The following CMSS1 variants were observed in gnomAD, a reference collection of about 807,000 sequenced individuals.
The protein encoded by CMSS1 is protein CMSS1.
A neutral mutation model predicts 43.5 loss-of-function variants in CMSS1; 33 were observed. The ratio of observed to expected loss-of-function variants is 0.76; its 90% CI spans 0.57 to 1.01. The LOEUF (loss-of-function observed/expected upper bound fraction) is 1.01, where lower values mean the gene tolerates loss of function less well. Among genes scored for constraint, CMSS1 ranks in the 50% least tolerant of loss-of-function variants. The pLI, the probability that CMSS1 is intolerant of heterozygous loss-of-function variation, is 0.00. For missense variants in CMSS1, 313 were observed against 326.4 expected (o/e 0.96, Z 0.32); for synonymous variants, 115 against 117.2 (o/e 0.98, Z 0.12).
chr3:100,089,702 A>T (rs993978113), intron 1 of CMSS1, among the ~76,000 whole-genome samples: 1 of 152,256 alleles, frequency 6.6e-6, no homozygotes, highest in African/African-American at 2.4e-5. Context: ...TACAAATTTC[A>T]TAGGCATTTG....
At position 99,951,062 on chromosome 3, in the gene CMSS1, C is replaced by T. The variant is rs536440904; in HGVS notation, c.64+133019C>T. ...CCTTTGTCACTCTTTCTGCACCTAA[C>T]GTGCTGGCCTTGAGTTAAGTCACTT... On this transcript the variant is annotated intron_variant, in intron 1 of 9. Coordinates refer to ENST00000421999, the MANE Select transcript of CMSS1 (RefSeq NM_032359.4). Among the ~76,000 whole-genome samples the T allele has an allele frequency of 1.1e-4, 16 of 152,338 alleles. No homozygotes were observed. The South Asian group carries it at 2.7e-3, about 26-fold the overall frequency.
At chr3:100,117,125 CTG>C (rs951840624) in intron 1 of CMSS1, among the ~76,000 whole-genome samples, 3 of 152,092 alleles carry the variant, frequency 2.0e-5, no homozygotes, top group African/African-American at 2.4e-5. Flanking sequence ...GTCAGGCACA[CTG>C]TGAAAGATAG....
chr3:100,065,606 A>T (rs1014493933), intron 1 of CMSS1, among the ~76,000 whole-genome samples: 1 of 152,174 alleles, frequency 6.6e-6, no homozygotes, highest in African/African-American at 2.4e-5. Flanking sequence ...TAATGAAAAA[A>T]GTATTCACTT....
chr3:99,832,149 T>G (rs1942691477), intron 1 of CMSS1, among the ~76,000 whole-genome samples: 1 of 152,142 alleles, frequency 6.6e-6, no homozygotes, highest in Non-Finnish European at 1.5e-5. Context: ...GGTAACTCCA[T>G]TTTCATTACG....
chr3:99,983,438 A>ATG (rs1709207001), intron 1 of CMSS1, among the ~76,000 whole-genome samples: 2 of 50,646 alleles, frequency 3.9e-5, no homozygotes, highest in African/African-American at 1.5e-4. Context: ...GTATGTATAT[A>ATG]TATGTATGTA....
At chr3:100,146,467 TG>T (rs975511210) in intron 1 of CMSS1, among the ~76,000 whole-genome samples, 1 of 152,212 alleles carries the variant, frequency 6.6e-6, no homozygotes, top group African/African-American at 2.4e-5. Flanking sequence ...TGTGTGACCT[TG>T]GGCAAATGGC....
intron 1 of CMSS1, among the ~76,000 whole-genome samples, chr3:99,909,455 C>T (rs894663658): frequency 2.6e-5 from 4 of 152,194 alleles, no homozygotes; most frequent in Admixed American, 2.6e-4. Flanking sequence ...GAGTTAGAGC[C>T]ACCCCTTGTA....
chr3:100,086,490 A>G (rs1333505803), intron 1 of CMSS1, among the ~76,000 whole-genome samples: 1 of 152,176 alleles, frequency 6.6e-6, no homozygotes, highest in Non-Finnish European at 1.5e-5. Context: ...CCTAGTTGAT[A>G]CTCAAATACT....
At chr3:99,849,465 AC>A (rs1943547647) in intron 1 of CMSS1, 1 of 1,613,618 alleles carries the variant, frequency 6.2e-7, no homozygotes, top group African/African-American at 1.3e-5. Flanking sequence ...CCTGGAGGTG[AC>A]ATATTAGGTC....
At chr3:99,831,713 G>A (rs1275151803) in intron 1 of CMSS1, among the ~76,000 whole-genome samples, 3 of 152,166 alleles carry the variant, frequency 2.0e-5, no homozygotes, top group Non-Finnish European at 4.4e-5. Context: ...TGTTGGGATC[G>A]TCTTTAAATT....
intron 1 of CMSS1, among the ~76,000 whole-genome samples, chr3:99,837,414 G>C: frequency 6.6e-6 from 1 of 151,172 alleles, no homozygotes; most frequent in East Asian, 1.9e-4. Context: ...AAGAAGAATA[G>C]CTTTTTCTAG....
intron 1 of CMSS1, among the ~76,000 whole-genome samples, chr3:99,920,535 C>T (rs1011061492): frequency 6.6e-6 from 1 of 152,184 alleles, no homozygotes; most frequent in Non-Finnish European, 1.5e-5. Context: ...TGGAGCTGGT[C>T]AGTGAACGTT....
At chr3:99,930,331 G>A (rs1707437335) in intron 1 of CMSS1, among the ~76,000 whole-genome samples, 1 of 152,064 alleles carries the variant, frequency 6.6e-6, no homozygotes, top group African/African-American at 2.4e-5. Context: ...ATTTTCAGGG[G>A]GTAGGAAATA....
At chr3:100,003,273 A>G (rs1226175106) in intron 1 of CMSS1, among the ~76,000 whole-genome samples, 2 of 152,336 alleles carry the variant, frequency 1.3e-5, no homozygotes, top group East Asian at 3.9e-4. Context: ...CAAGTTACAC[A>G]TTGACTCAGT....
At position 99,961,384 on chromosome 3, in the gene CMSS1, T is replaced by C. The variant is rs572240062; in HGVS notation, c.64+143341T>C. On this transcript the variant is annotated intron_variant, in intron 1 of 9. Coordinates refer to ENST00000421999, the MANE Select transcript of CMSS1 (RefSeq NM_032359.4). ...TATATATACCTTAAAATGTAACCTT[T>C]GATCATCCCTTTATGTATCTACAAT... Among the ~76,000 whole-genome samples, 13 of 152,308 alleles carry C rather than the reference T, an allele frequency of 8.5e-5. 1 individual carries two copies. In the South Asian group the frequency reaches 2.7e-3, roughly 32 times the overall value.
chr3:100,051,874 T>C (rs1316620795), intron 1 of CMSS1, among the ~76,000 whole-genome samples: 3 of 148,600 alleles, frequency 2.0e-5, no homozygotes, highest in African/African-American at 7.3e-5. Flanking sequence ...TATAATTTAA[T>C]GTAATATATT....
chr3:100,176,331 C>G lies in CMSS1; in HGVS notation c.672C>G (p.Gly224=). The G allele has an allele frequency of 5.6e-6, 9 of 1,608,862 alleles. No homozygotes were observed. The highest frequency in any genetic ancestry group is 7.7e-6 in the Non-Finnish European group (9 of 1,175,422). ...CTCTCTTCCTGTCTCTTTCAGGTGG[C>G]CTTAATTTGAGCCCCTTAAAATTTC... ...GRIKELVKQG[G]LNLSPLKFLV... is the part of the protein sequence containing the mutation. The change falls in exon 9 of 10, where the codon GGC becomes GGG. Residue 224 remains glycine, a synonymous_variant. Transcript: ENST00000421999.
intron 1 of CMSS1, among the ~76,000 whole-genome samples, chr3:100,082,296 T>C (rs1039132772): frequency 3.3e-5 from 5 of 152,214 alleles, no homozygotes; most frequent in African/African-American, 1.2e-4. Flanking sequence ...TAAATACTAC[T>C]TATTACTCAT....
intron 1 of CMSS1, among the ~76,000 whole-genome samples, chr3:99,920,123 C>T (rs1039722873): frequency 6.6e-6 from 1 of 152,174 alleles, no homozygotes; most frequent in Non-Finnish European, 1.5e-5. Context: ...CAGTTTTATA[C>T]AGAGCTGCCA....
Sources: gnomAD v4.1 joint callset for allele counts (sites outside exome capture counted in the v4.1 genomes callset) on GRCh38, gnomAD v4.1.1 for gene constraint, MANE v1.5 for transcripts, NCBI Gene and HGNC (gene_info 2026-07-23, HGNC 2026-07-21) for gene names.